Variants in EPHB1 observed in about 807,000 individuals in gnomAD.
EPHB1 encodes the protein EPH receptor B1.
Under a neutral mutation model 94.4 loss-of-function variants are expected in EPHB1, and 30 were observed. The ratio of observed to expected loss-of-function variants is 0.32; its 90% CI spans 0.24 to 0.43. EPHB1 has a LOEUF of 0.43. Among genes scored for constraint, EPHB1 ranks in the 20% least tolerant of loss-of-function variants. EPHB1 has a pLI of 1.00. For missense variants in EPHB1, 1,055 were observed against 1,308.3 expected (o/e 0.81, Z 2.99); for synonymous variants, 522 against 489.1 (o/e 1.07, Z -0.89).
At chr3:134,927,373 G>A (rs1288414781) in intron 2 of EPHB1, among the ~76,000 whole-genome samples, 1 of 152,216 alleles carries the variant, frequency 6.6e-6, no homozygotes, top group Non-Finnish European at 1.5e-5. Flanking sequence ...TCCAAAATGA[G>A]CTGGCATTCC....
intron 3 of EPHB1, among the ~76,000 whole-genome samples, chr3:135,083,999 A>G (rs1039175178): frequency 6.6e-6 from 1 of 152,150 alleles, no homozygotes; most frequent in African/African-American, 2.4e-5. Flanking sequence ...CTACTGAGGC[A>G]GTGGGTAGAA....
intron 2 of EPHB1, among the ~76,000 whole-genome samples, chr3:134,933,747 T>C (rs1177302934): frequency 6.6e-6 from 1 of 152,172 alleles, no homozygotes; most frequent in Admixed American, 6.5e-5. Flanking sequence ...CCAACAATTA[T>C]GCTCCACTGT....
intron 1 of EPHB1, among the ~76,000 whole-genome samples, chr3:134,912,078 C>A (rs2038466980): frequency 6.6e-6 from 1 of 152,216 alleles, no homozygotes; most frequent in African/African-American, 2.4e-5. Flanking sequence ...CCATCCATCG[C>A]CGGCCTTCAT....
chr3:134,925,834 G>T lies in EPHB1; in HGVS notation c.77G>T (p.Arg26Ile). ...TCTACAGAAACGTTAATGGACACCA[G>T]AACGGCTACTGCAGAGCTGGGCTGG... The part of the protein sequence containing the change: ...AAMEETLMDT[R>I]TATAELGWTA... Residue 26 changes from arginine to isoleucine, a missense_variant, in exon 2 of 16, where the codon AGA (arginine) becomes ATA (isoleucine). Arg to Ile is a moderately conservative substitution (Grantham distance 97). Coordinates refer to ENST00000398015, the MANE Select transcript of EPHB1 (RefSeq NM_004441.5). The T allele has an allele frequency of 6.2e-7, 1 of 1,603,318 alleles. No individual in the cohort carries two copies. The highest frequency in any genetic ancestry group is 1.1e-5 in the South Asian group (1 of 89,020).
At chr3:134,811,019 G>T (rs1046274066) in intron 1 of EPHB1, among the ~76,000 whole-genome samples, 4 of 152,038 alleles carry the variant, frequency 2.6e-5, no homozygotes, top group Non-Finnish European at 5.9e-5. Context: ...GAGGGCTCGT[G>T]TGGCCCCTCC....
intron 11 of EPHB1, among the ~76,000 whole-genome samples, chr3:135,200,701 GACAC>G (rs138269829): frequency 3.9e-5 from 6 of 151,980 alleles, no homozygotes; most frequent in African/African-American, 1.4e-4. Context: ...CAGACAGAAA[GACAC>G]ACACACACAC....
intron 2 of EPHB1, among the ~76,000 whole-genome samples, chr3:134,950,623 G>A (rs1578223130): frequency 6.6e-6 from 1 of 152,248 alleles, no homozygotes; most frequent in Middle Eastern, 3.4e-3. Context: ...AAGAGAGAGA[G>A]AAGGGGGAGC....
intron 3 of EPHB1, among the ~76,000 whole-genome samples, chr3:134,999,182 T>G (rs915907959): frequency 2.6e-5 from 4 of 151,868 alleles, no homozygotes; most frequent in Non-Finnish European, 5.9e-5. Context: ...GTTGAGAAAG[T>G]GGAAGCAGTT....
chr3:135,029,267 TG>T (rs1420084486), intron 3 of EPHB1, among the ~76,000 whole-genome samples: 1 of 150,982 alleles, frequency 6.6e-6, no homozygotes, highest in African/African-American at 2.4e-5. Flanking sequence ...CCTGTCATTA[TG>T]ATGTTAGCTG....
At chr3:135,202,410 T>G (rs1942781945) in intron 12 of EPHB1, among the ~76,000 whole-genome samples, 1 of 151,516 alleles carries the variant, frequency 6.6e-6, no homozygotes, top group Non-Finnish European at 1.5e-5. Flanking sequence ...TTTCAATCCC[T>G]CAGCGGCCCC....
At chr3:135,029,869 G>T (rs968463820) in intron 3 of EPHB1, among the ~76,000 whole-genome samples, 3 of 151,894 alleles carry the variant, frequency 2.0e-5, no homozygotes, top group Non-Finnish European at 4.4e-5. Context: ...ACCAATCAGA[G>T]GTAGATTTTG....
intron 2 of EPHB1, among the ~76,000 whole-genome samples, chr3:134,942,639 T>C (rs963508422): frequency 1.3e-5 from 2 of 152,114 alleles, no homozygotes; most frequent in Admixed American, 6.5e-5. Flanking sequence ...GTCTGGGGTA[T>C]TGGGGAGAGG....
intron 1 of EPHB1, among the ~76,000 whole-genome samples, chr3:134,847,257 G>A (rs1417390474): frequency 6.6e-6 from 1 of 152,190 alleles, no homozygotes; most frequent in Non-Finnish European, 1.5e-5. Flanking sequence ...TCCACCTCCG[G>A]CTTCAGATGT....
intron 11 of EPHB1, among the ~76,000 whole-genome samples, chr3:135,200,231 C>G (rs1942719426): frequency 6.6e-6 from 1 of 152,272 alleles, no homozygotes; most frequent in Middle Eastern, 3.4e-3. Flanking sequence ...AAGTCAAGAC[C>G]CAGGAGCCTT....
intron 5 of EPHB1, among the ~76,000 whole-genome samples, chr3:135,145,481 G>A (rs867342158): frequency 3.2e-4 from 49 of 152,146 alleles, no homozygotes; most frequent in African/African-American, 8.2e-4. Context: ...TCAGAGTCTG[G>A]GTTGGGGAGA....
chr3:135,182,716 G>C (rs1942188642), intron 10 of EPHB1, among the ~76,000 whole-genome samples: 1 of 152,230 alleles, frequency 6.6e-6, no homozygotes, highest in Non-Finnish European at 1.5e-5. Flanking sequence ...GAGAGAATGA[G>C]ATAGTGACAG....
At chr3:134,796,100 C>G (rs2035820693) in intron 1 of EPHB1, 1 of 262,980 alleles carries the variant, frequency 3.8e-6, no homozygotes, top group Non-Finnish European at 7.3e-6. Context: ...CCCGTCTGCT[C>G]CCAGGCACGG....
intron 1 of EPHB1, among the ~76,000 whole-genome samples, chr3:134,850,521 G>A (rs546538080): frequency 1.3e-5 from 2 of 152,356 alleles, no homozygotes; most frequent in East Asian, 1.9e-4. Flanking sequence ...CCACAGGGAT[G>A]GGGACTTGAC....
At chr3:135,058,055 C>T (rs911297469) in intron 3 of EPHB1, among the ~76,000 whole-genome samples, 12 of 152,214 alleles carry the variant, frequency 7.9e-5, no homozygotes, top group Admixed American at 2.0e-4. Context: ...ATGGGACCAA[C>T]AGGGAGACAC....
Sources: gnomAD v4.1 joint callset for allele counts (sites outside exome capture counted in the v4.1 genomes callset) on GRCh38, gnomAD v4.1.1 for gene constraint, MANE v1.5 for transcripts, NCBI Gene and HGNC (gene_info 2026-07-23, HGNC 2026-07-21) for gene names.